The following KDM4B variants were observed in gnomAD, a reference collection of about 807,000 sequenced individuals.
The protein encoded by KDM4B is lysine-specific demethylase 4B.
A neutral mutation model predicts 125.2 loss-of-function variants in KDM4B; 32 were observed. The ratio of observed to expected loss-of-function variants is 0.26; its 90% CI spans 0.19 to 0.34. The LOEUF is 0.34. Ranked by LOEUF, KDM4B falls within the 10% of genes least tolerant of loss-of-function variation. The probability of loss-of-function intolerance (pLI) is 1.00; values close to 1 mark genes in which losing one functional copy is unlikely to be tolerated. For missense variants in KDM4B, 1,190 were observed against 1,577.7 expected (o/e 0.75, Z 4.16); for synonymous variants, 721 against 677.9 (o/e 1.06, Z -0.99).
chr19:5,042,068 T>A (rs1270642639), intron 5 of KDM4B, among the ~76,000 whole-genome samples: 1 of 152,244 alleles, frequency 6.6e-6, no homozygotes, highest in African/African-American at 2.4e-5. Flanking sequence ...CAGCCTTGCT[T>A]CCGGCCCCAC....
rs1191494180 is a variant in KDM4B at position 5,048,563 on chromosome 19, T to TGCCG, written c.626+897_626+898insGGCC. Among the ~76,000 whole-genome samples, 4 of 147,650 alleles carry TGCCG rather than the reference T, an allele frequency of 2.7e-5. No individual in the cohort carries two copies. In the East Asian group the frequency reaches 8.1e-4, roughly 30 times the overall value. On this transcript the variant is annotated intron_variant, in intron 6 of 22. Transcript: ENST00000159111. ...CCTGGAGGGCGTGGGAGCTCCGCCT[T>TGCCG]GCCTGGCCCTTCCCTGGGTTGGAGT...
At chr19:5,150,257 C>A in intron 21 of KDM4B, 101 bp from the exon 22 acceptor site, 2 of 897,070 alleles carry the variant, frequency 2.2e-6, no homozygotes, top group Non-Finnish European at 3.4e-6. Context: ...GGGCCCCATG[C>A]ACCCAAGGGG....
Position 4,973,084 on chromosome 19 carries a change from TTTTC to T in KDM4B, c.-109+3858_-109+3861del, listed in dbSNP as rs540336330. ...CCTGACCTGTCGATTTGCCAGACAG[TTTTC>T]TTTAAGTCCATTTAAAAATGACTCA... On this transcript the variant is annotated intron_variant, in intron 1 of 22. Transcript: ENST00000159111. Among the ~76,000 whole-genome samples the T allele has an allele frequency of 1.1e-4, 16 of 152,324 alleles. No individual in the cohort carries two copies. In the East Asian group the frequency reaches 2.9e-3, roughly 28 times the overall value.
intron 2 of KDM4B, among the ~76,000 whole-genome samples, chr19:5,017,829 C>T (rs1350156695): frequency 1.3e-5 from 2 of 151,910 alleles, no homozygotes; most frequent in East Asian, 3.9e-4. Context: ...CAAGCTCCGC[C>T]TCCCGGGTTC....
rs190530720 is a variant in KDM4B, at chr19:4,994,883, C to T, written c.-108-21374C>T. On this transcript the variant is annotated intron_variant, in intron 1 of 22. Coordinates refer to ENST00000159111, the MANE Select transcript of KDM4B (RefSeq NM_015015.3). Reference sequence around the variant, plus strand: ...GAAGTATTTTCTTAGTAGTTGCTGTCGGTCTTATAGGCATCTTAACTTCTC... The same window carrying T: ...GAAGTATTTTCTTAGTAGTTGCTGTTGGTCTTATAGGCATCTTAACTTCTC... Among the ~76,000 whole-genome samples the T allele has an allele frequency of 5.6e-3, 849 of 152,160 alleles. 8 individuals carry two copies. The highest frequency in any genetic ancestry group is 5.2e-3 in the Non-Finnish European group (354 of 68,002).
intron 14 of KDM4B, among the ~76,000 whole-genome samples, chr19:5,134,316 C>T (rs755552919): frequency 1.3e-5 from 2 of 152,126 alleles, no homozygotes; most frequent in East Asian, 1.9e-4. Flanking sequence ...TGCGGAGGCT[C>T]GGGGTCACTG....
intron 1 of KDM4B, among the ~76,000 whole-genome samples, chr19:5,015,879 G>A (rs1363051939): frequency 6.6e-6 from 1 of 152,144 alleles, no homozygotes; most frequent in Non-Finnish European, 1.5e-5. Flanking sequence ...GTTGGGAGGT[G>A]GGGGAAAAAC....
At chr19:4,978,531 AAAAAAAG>A (rs2034530897) in intron 1 of KDM4B, among the ~76,000 whole-genome samples, 1 of 150,632 alleles carries the variant, frequency 6.6e-6, no homozygotes, top group Non-Finnish European at 1.5e-5. Flanking sequence ...AAAAAAAAAA[AAAAAAAG>A]AACATAAGGC....
In KDM4B at chr19:5,065,467, C is replaced by CT. The variant is rs147259786; in HGVS notation, c.627-5540dup. On this transcript the variant is annotated intron_variant, in intron 6 of 22. Transcript: ENST00000159111. Reference sequence around the variant, plus strand: ...TTATATTCAAAAATGCTGTTTCACACTTTATTTGTTTGATGATTTAGAGCG... The same window carrying CT: ...TTATATTCAAAAATGCTGTTTCACACTTTTATTTGTTTGATGATTTAGAGCG... 5.2e-3 allele frequency among the ~76,000 whole-genome samples: 791 copies of CT among 152,310 alleles called. 9 individuals are homozygous for CT. The highest frequency in any genetic ancestry group is 0.018 in the African/African-American group (759 of 41,556).
chr19:5,151,531 G>A lies in KDM4B; in HGVS notation c.*20G>A, dbSNP rs562786550. The stretch of plus-strand genomic sequence containing the variant: ...TTCTAGGACAGCTGGCCGCTCAGGC[G>A]ACCCTCAGCCCGGCGGGGAGGCCAT... On this transcript the variant is annotated 3_prime_UTR_variant, in exon 23 of 23. Transcript: ENST00000159111. 29 of 1,341,810 alleles carry A rather than the reference G, an allele frequency of 2.2e-5. No homozygotes were observed. The highest frequency in any genetic ancestry group is 2.8e-4 in the Middle Eastern group (1 of 3,558). 83.1% of individuals were successfully genotyped at this position (1,341,810 alleles called of 1,614,324 possible).
chr19:5,044,613 A>T (rs568036504), intron 5 of KDM4B, among the ~76,000 whole-genome samples: 1 of 152,250 alleles, frequency 6.6e-6, no homozygotes, highest in Admixed American at 6.5e-5. Context: ...CAGTGGCGCA[A>T]TCTCAGCTCT....
chr19:5,126,096 G>A (rs751102909), intron 11 of KDM4B, among the ~76,000 whole-genome samples: 2 of 152,176 alleles, frequency 1.3e-5, no homozygotes, highest in African/African-American at 2.4e-5. Context: ...GCAGTGGGGT[G>A]TGGGGTTTTG....
intron 1 of KDM4B, among the ~76,000 whole-genome samples, chr19:5,002,631 G>C (rs1265988749): frequency 6.6e-6 from 1 of 150,988 alleles, no homozygotes; most frequent in Non-Finnish European, 1.5e-5. Flanking sequence ...TGAAATTACA[G>C]GTGTGAGCCT....
intron 7 of KDM4B, 198 bp from the exon 8 acceptor site, chr19:5,077,169 C>T (rs569612754): frequency 3.5e-5 from 21 of 602,270 alleles, no homozygotes; most frequent in South Asian, 1.5e-4. Flanking sequence ...CACTATGGGG[C>T]GGCTCCTGCG....
Position 5,134,066 on chromosome 19 carries a change from G to A in KDM4B, c.2085+5G>A. ...CTCTTCTACCCCTACTGCCAGGTGG[G>A]CAGGCGGGCCTCACGGGTCCCAGAG... On this transcript the variant is annotated splice_donor_5th_base_variant and intron_variant, in intron 14 of 22. Coordinates refer to ENST00000159111, the MANE Select transcript of KDM4B (RefSeq NM_015015.3). The A allele has an allele frequency of 1.3e-6, 2 of 1,580,588 alleles. No individual in the cohort carries two copies. The highest frequency in any genetic ancestry group is 2.3e-5 in the East Asian group (1 of 44,126).
At chr19:5,084,358 A>G (rs1377153353) in intron 9 of KDM4B, among the ~76,000 whole-genome samples, 1 of 144,906 alleles carries the variant, frequency 6.9e-6, no homozygotes, top group Non-Finnish European at 1.5e-5. Flanking sequence ...TGTAATTTAT[A>G]TATTGTATAT....
rs1302686791 is a variant in KDM4B, at chr19:5,114,166, C to A, written c.1115+3348C>A. 1 of 1,289,756 alleles carries A rather than the reference C, an allele frequency of 7.8e-7. No individual in the cohort carries two copies. The highest frequency in any genetic ancestry group is 2.1e-4 in the Middle Eastern group (1 of 4,696). 79.9% of individuals were successfully genotyped at this position (1,289,756 alleles called of 1,614,324 possible). On this transcript the variant is annotated intron_variant, in intron 10 of 22. Transcript: ENST00000159111. The surrounding 1 kb of genome is among the most constrained non-coding windows in gnomAD (Gnocchi z 5.8). ...AGTGCTCTCTGGCACCCACGCGACG[C>A]TCCTCCATGCAAACTCTTTCCACGC...
At chr19:5,070,939 G>T in intron 6 of KDM4B, 71 bp from the exon 7 acceptor site, 1 of 1,536,022 alleles carries the variant, frequency 6.5e-7, no homozygotes, top group South Asian at 1.1e-5. Flanking sequence ...CCCAAGGCTG[G>T]TCCCACCAGG....
At chr19:5,118,223 C>A (rs2039294137) in intron 10 of KDM4B, among the ~76,000 whole-genome samples, 1 of 152,188 alleles carries the variant, frequency 6.6e-6, no homozygotes, top group Non-Finnish European at 1.5e-5. Flanking sequence ...GCCACAGGGA[C>A]CCCCGTGGGA....
Sources: allele counts gnomAD v4.1 joint callset (sites outside exome capture counted in the v4.1 genomes callset), GRCh38; gene constraint gnomAD v4.1.1; non-coding constraint Gnocchi (gnomAD v3.1); transcripts MANE v1.5; gene names NCBI Gene and HGNC (gene_info 2026-07-23, HGNC 2026-07-21).